PRAMEF11: variants seen among roughly 807,000 people sequenced by gnomAD.
PRAMEF11 encodes the protein PRAME family member 11.
Under a neutral mutation model 33.6 loss-of-function variants are expected in PRAMEF11, and 17 were observed. The ratio of observed to expected loss-of-function variants is 0.51; its 90% CI spans 0.35 to 0.76. PRAMEF11 has a LOEUF of 0.76. Ranked by LOEUF, PRAMEF11 falls within the 30% of genes least tolerant of loss-of-function variation. PRAMEF11 has a pLI of 0.01. For missense variants in PRAMEF11, 568 were observed against 567.0 expected, an observed-to-expected ratio of 1.00 and a Z score of -0.02; for synonymous variants, 205 against 227.3, an observed-to-expected ratio of 0.90 and a Z score of 0.88.
chr1:12,828,200 G>A (rs1163004310), intron 2 of PRAMEF11, among the ~76,000 whole-genome samples: 5 of 146,542 alleles, frequency 3.4e-5, no homozygotes, highest in African/African-American at 1.3e-4. Context: ...GGACAGGCTG[G>A]CCTCCAACTC....
Position 12,829,022 on chromosome 1 carries a change from G to A in PRAMEF11, c.-16-217C>T, listed in dbSNP as rs2982098. ...AGCAGTGAGGAAGCAGGGCCACCAC[G>A]AGCCCTTCCTTTCTATCCAGTGCTC... On this transcript the variant is annotated intron_variant, in intron 1 of 3. Transcript: ENST00000619922. Among the ~76,000 whole-genome samples, 13 of 146,110 alleles carry A rather than the reference G, an allele frequency of 8.9e-5. 1 individual carries two copies. The highest frequency in any genetic ancestry group is 2.1e-4 in the East Asian group (1 of 4,756).
chr1:12,826,836 G>A (rs1175182628), intron 3 of PRAMEF11, among the ~76,000 whole-genome samples: 6 of 151,120 alleles, frequency 4.0e-5, no homozygotes, highest in African/African-American at 9.7e-5. Flanking sequence ...ATGTTACCCA[G>A]ACTGCTCTTA....
chr1:12,829,513 T>C (rs1324804843), intron 1 of PRAMEF11, among the ~76,000 whole-genome samples: 2 of 151,214 alleles, frequency 1.3e-5, no homozygotes, highest in South Asian at 2.1e-4. Flanking sequence ...GGATTCTTCC[T>C]CCTCAGCCTC....
intron 2 of PRAMEF11, among the ~76,000 whole-genome samples, chr1:12,828,261 C>A (rs577897186): frequency 6.8e-6 from 1 of 147,588 alleles, no homozygotes; most frequent in African/African-American, 2.5e-5. Context: ...CCACCGTGCC[C>A]GGCCCAGTTC....
At chr1:12,826,524 G>A (rs1445875743) in intron 3 of PRAMEF11, among the ~76,000 whole-genome samples, 3 of 151,246 alleles carry the variant, frequency 2.0e-5, no homozygotes, top group African/African-American at 7.3e-5. Flanking sequence ...CACTTTGGGA[G>A]TCCAAGGTGG....
intron 1 of PRAMEF11, among the ~76,000 whole-genome samples, chr1:12,830,789 C>G (rs2790846): frequency 0.48 from 69,810 of 145,836 alleles, 19,795 homozygotes; most frequent in African/African-American, 0.77. Context: ...AGGTGTTCGA[C>G]ACCAACCTGG....
Position 12,827,675 on chromosome 1 carries a change from G to A in PRAMEF11, c.449C>T (p.Thr150Ile). 1.2e-6 allele frequency: 2 copies of A among 1,609,800 alleles called. No homozygotes were observed. ...CTTGAGCCAAAGTTCTACAAACACAGTCAAGGGCTGCCGTCCTCTCATCCT... is the reference window on the plus strand; with the variant it reads ...CTTGAGCCAAAGTTCTACAAACACAATCAAGGGCTGCCGTCCTCTCATCCT... ...CPRMRGRQPL[T>I]VFVELWLKNR... is the part of the protein sequence containing the mutation. Residue 150 changes from threonine (T) to isoleucine (I), a missense_variant, in exon 3 of 4, where the codon ACT becomes ATT. Physicochemically the swap from Thr to Ile is moderately conservative, Grantham distance 89 (BLOSUM62 -1). Transcript: ENST00000619922.
intron 1 of PRAMEF11, among the ~76,000 whole-genome samples, 183 bp from the exon 2 acceptor site, chr1:12,828,988 C>T (rs549532451): frequency 5.9e-5 from 9 of 151,922 alleles, no homozygotes; most frequent in South Asian, 4.2e-4. Flanking sequence ...TCAGCATGAG[C>T]GTCTCCGAAG....
chr1:12,829,126 G>C (rs575156240), intron 1 of PRAMEF11, among the ~76,000 whole-genome samples: 24 of 146,232 alleles, frequency 1.6e-4, no homozygotes, highest in African/African-American at 5.4e-4. Context: ...ATTACTTAAG[G>C]TTCTAAAACA....
Position 12,827,519 on chromosome 1 carries a change from T to C in PRAMEF11, c.605A>G (p.Lys202Arg), listed in dbSNP as rs1489005065. 6.2e-7 allele frequency: 1 copy of C among 1,611,262 alleles called. No individual in the cohort carries two copies. The highest frequency in any genetic ancestry group is 8.5e-7 in the Non-Finnish European group (1 of 1,178,948). Reference sequence around the variant, plus strand: ...CTGGATACAGTCTAGGTTCACCATTTTCAGGATGCTTCTGATATTGCGGAA... The same window carrying C: ...CTGGATACAGTCTAGGTTCACCATTCTCAGGATGCTTCTGATATTGCGGAA... ...MPFRNIRSILKMVNLDCIQEV... is the reference protein window; with the variant it reads ...MPFRNIRSILRMVNLDCIQEV... Residue 202 changes from lysine (K) to arginine (R), a missense_variant, in exon 3 of 4, where the codon AAA becomes AGA. Lys to Arg is a conservative substitution (Grantham distance 26). Around this residue, in one of 3 missense-constraint regions of PRAMEF11, gnomAD observed 342 missense variants for 312.0 expected, o/e 1.10. Transcript: ENST00000619922.
At chr1:12,825,688 T>C (rs10864596) in intron 3 of PRAMEF11, among the ~76,000 whole-genome samples, 185 bp from the exon 4 acceptor site, 1 of 145,486 alleles carries the variant, frequency 6.9e-6, no homozygotes, top group African/African-American at 2.5e-5. Context: ...TCAATTCCAC[T>C]TTAGGCCCGG....
intron 1 of PRAMEF11, among the ~76,000 whole-genome samples, chr1:12,829,408 C>G (rs1240883065): frequency 6.7e-6 from 1 of 149,916 alleles, no homozygotes; most frequent in Non-Finnish European, 1.5e-5. Flanking sequence ...CTCTCTCCCT[C>G]TCTCACTCTC....
intron 1 of PRAMEF11, among the ~76,000 whole-genome samples, chr1:12,830,292 T>C (rs1639978033): frequency 6.6e-6 from 1 of 151,186 alleles, no homozygotes; most frequent in African/African-American, 2.4e-5. Context: ...GGCGTAATTC[T>C]TTTTGGTGTT....
At chr1:12,830,923 G>A (rs6702369) in intron 1 of PRAMEF11, among the ~76,000 whole-genome samples, 1 of 150,250 alleles carries the variant, frequency 6.7e-6, no homozygotes, top group East Asian at 2.0e-4. Flanking sequence ...AACCCGGGAG[G>A]TAAAGGTTGC....
rs1438432972 is a variant in PRAMEF11, at chr1:12,828,763, G to T, written c.27C>A (p.Pro9=). Reference sequence around the variant, plus strand: ...TCCGCCCCGCAAGCTCCAGGAGTCTGGGTGGAATCCGGATGCTCATCTTCA... The same window carrying T: ...TCCGCCCCGCAAGCTCCAGGAGTCTTGGTGGAATCCGGATGCTCATCTTCA... MKMSIRIP[P]RLLELAGRSL... is the part of the protein sequence containing the mutation. Residue 9 remains proline (P), a synonymous_variant, in exon 2 of 4, where the codon CCC becomes CCA. Transcript: ENST00000619922. The T allele has an allele frequency of 6.2e-7, 1 of 1,609,858 alleles. No individual in the cohort carries two copies. The highest frequency in any genetic ancestry group is 1.8e-4 in the Middle Eastern group (1 of 5,522).
rs1368501754 is a variant in PRAMEF11, at chr1:12,827,507, A to G, written c.617T>C (p.Leu206Pro). 6.2e-7 allele frequency: 1 copy of G among 1,611,268 alleles called. No individual in the cohort carries two copies. Among genetic ancestry groups the G allele is most frequent in the African/African-American group, 1.3e-5 (1 of 74,602 alleles). ...CACTTCCACCTCCTGGATACAGTCT[A>G]GGTTCACCATTTTCAGGATGCTTCT... ...NIRSILKMVNLDCIQEVEVNC... is the reference protein window; with the variant it reads ...NIRSILKMVNPDCIQEVEVNC... Residue 206 changes from leucine (L) to proline (P), a missense_variant, in exon 3 of 4, where the codon CTA (leucine) becomes CCA (proline). Coordinates refer to ENST00000619922, the MANE Select transcript of PRAMEF11 (RefSeq NM_001146344.3).
chr1:12,830,005 G>C (rs1243966950), intron 1 of PRAMEF11, among the ~76,000 whole-genome samples: 5 of 151,206 alleles, frequency 3.3e-5, no homozygotes, highest in Non-Finnish European at 5.9e-5. Context: ...TTAGGGATAG[G>C]GTGAAAGTCC....
chr1:12,825,224 G>A lies in PRAMEF11; in HGVS notation c.1155C>T (p.Phe385=), dbSNP rs544216560. The A allele has an allele frequency of 6.2e-7, 1 of 1,607,354 alleles. No individual in the cohort carries two copies. The highest frequency in any genetic ancestry group is 2.3e-5 in the East Asian group (1 of 44,374). The change falls in exon 4 of 4, where the codon TTC becomes TTT. Residue 385 remains phenylalanine, a synonymous_variant. Transcript: ENST00000619922. The part of the protein sequence containing the change: ...ALSRCFELNT[F]SFCGNPICMA... ...TGCAGATGGGATTTCCACAGAAGCT[G>A]AAGGTGTTGAGCTCAAAGCAGCGGC...
Position 12,825,143 on chromosome 1 carries a change from C to T in PRAMEF11, c.1236G>A (p.Leu412=). The change falls in exon 4 of 4, where the codon CTG becomes CTA. Residue 412 remains leucine (L), a synonymous_variant. Coordinates refer to ENST00000619922, the MANE Select transcript of PRAMEF11 (RefSeq NM_001146344.3). ...SHTIILKNLC[L]ELYPAPQESY... Reference sequence around the variant, plus strand: ...TTTCCTGCGGGGCAGGATACAGCTCCAGGCATAAGTTTTTGAGTATGATTG... The same window carrying T: ...TTTCCTGCGGGGCAGGATACAGCTCTAGGCATAAGTTTTTGAGTATGATTG... 6.2e-7 allele frequency: 1 copy of T among 1,609,222 alleles called. No individual in the cohort carries two copies. The highest frequency in any genetic ancestry group is 8.5e-7 in the Non-Finnish European group (1 of 1,177,754).
Sources: gnomAD v4.1 joint callset for allele counts (sites outside exome capture counted in the v4.1 genomes callset) on GRCh38, gnomAD v4.1.1 for gene constraint, gnomAD v4.1.1 regional missense constraint, MANE v1.5 for transcripts, NCBI Gene and HGNC (gene_info 2026-07-23, HGNC 2026-07-21) for gene names.